The following GFPT1 variants were observed in gnomAD, a reference collection of about 807,000 sequenced individuals.
The protein encoded by GFPT1 is glutamine--fructose-6-phosphate transaminase 1.
In GFPT1, 40 loss-of-function variants were observed where a neutral mutation model predicts 92.0. The ratio of observed to expected loss-of-function variants is 0.43; its 90% CI spans 0.34 to 0.57. The LOEUF (loss-of-function observed/expected upper bound fraction) is 0.57, where lower values mean the gene tolerates loss of function less well. GFPT1 is among the 20% of genes least tolerant of loss of function. The pLI is 0.02. For missense variants in GFPT1, 448 were observed against 869.1 expected (o/e 0.52, Z 6.09); for synonymous variants, 269 against 280.6 (o/e 0.96, Z 0.41).
At chr2:69,353,336 A>C (rs1355379207) in intron 9 of GFPT1, among the ~76,000 whole-genome samples, 1 of 152,204 alleles carries the variant, frequency 6.6e-6, no homozygotes, top group Non-Finnish European at 1.5e-5. Flanking sequence ...CAAGAGTTTG[A>C]GACCAGCCTG....
At chr2:69,376,456 T>C (rs922539921) in intron 1 of GFPT1, among the ~76,000 whole-genome samples, 3 of 151,748 alleles carry the variant, frequency 2.0e-5, no homozygotes, top group Non-Finnish European at 2.9e-5. Flanking sequence ...GAGGCGGAGG[T>C]TGCAGTGAGC....
At chr2:69,354,119 A>T in intron 9 of GFPT1, 140 bp downstream of exon 9, 1 of 527,540 alleles carries the variant, frequency 1.9e-6, no homozygotes, top group Non-Finnish European at 3.2e-6. Context: ...AATTAGAAAA[A>T]TGTCAAAATA....
rs1670600408 is a variant in GFPT1 at position 69,329,153 on chromosome 2, T to G, written c.1725+144A>C. On this transcript the variant is annotated intron_variant, in intron 17 of 19. Transcript: ENST00000357308. ...CTGAACAGAGTTCTCTGTTGCACTTTCTCAAAGTAAACAAACCACAATGCA... is the reference window on the plus strand; with the variant it reads ...CTGAACAGAGTTCTCTGTTGCACTTGCTCAAAGTAAACAAACCACAATGCA... 10 of 797,608 alleles carry G rather than the reference T, an allele frequency of 1.3e-5. No individual in the cohort carries two copies. The East Asian group carries it at 2.5e-4, about 20-fold the overall frequency. The allele number at this position is 797,608 out of a possible 1,614,324, so 49.4% of individuals were successfully genotyped here.
intron 1 of GFPT1, among the ~76,000 whole-genome samples, chr2:69,384,693 C>CAAAAAAAAAAAAAAAAA (rs71964630): frequency 1.2e-4 from 13 of 106,596 alleles, no homozygotes; most frequent in South Asian, 3.0e-4. Flanking sequence ...GGCCCCGTCA[C>CAAAAAAAAAAAAAAAAA]AAAAAAAAAA....
intron 15 of GFPT1, among the ~76,000 whole-genome samples, chr2:69,332,695 T>C (rs998713948): frequency 1.3e-5 from 2 of 152,138 alleles, no homozygotes; most frequent in African/African-American, 4.8e-5. Flanking sequence ...ATTTGAGGCT[T>C]TTATTTACAT....
intron 3 of GFPT1, among the ~76,000 whole-genome samples, chr2:69,367,383 C>T (rs1293335499): frequency 1.3e-5 from 2 of 150,058 alleles, no homozygotes; most frequent in African/African-American, 5.0e-5. Flanking sequence ...TTTGTGGAGA[C>T]GGAGTCTCAC....
intron 13 of GFPT1, among the ~76,000 whole-genome samples, chr2:69,340,140 C>T (rs72826573): frequency 1.2e-4 from 12 of 99,118 alleles, no homozygotes; most frequent in East Asian, 2.9e-4. Flanking sequence ...GTTGGGGCAA[C>T]TTTTTTTTTT....
At position 69,359,315 on chromosome 2, in the gene GFPT1, T is replaced by A; in HGVS notation, c.361A>T (p.Ile121Phe). Residue 121 changes from isoleucine (I) to phenylalanine (F), a missense_variant, in exon 5 of 20, where the codon ATT (isoleucine) becomes TTT (phenylalanine). Around this residue, in one of 7 missense-constraint regions of GFPT1, gnomAD observed 118 missense variants for 192.9 expected, o/e 0.61. Transcript: ENST00000357308. ...RSDKNNEFIVIHNGIITNYKD... is the reference protein window; with the variant it reads ...RSDKNNEFIVFHNGIITNYKD... Reference sequence around the variant, plus strand: ...TAGTTGGTGATGATTCCATTGTGAATAACGATAAATTCTAAAAGAGGTAAA... The same window carrying A: ...TAGTTGGTGATGATTCCATTGTGAAAAACGATAAATTCTAAAAGAGGTAAA... 1 of 1,570,766 alleles carries A rather than the reference T, an allele frequency of 6.4e-7. No homozygotes were observed. Among genetic ancestry groups the A allele is most frequent in the Non-Finnish European group, 8.8e-7 (1 of 1,141,970 alleles).
rs1304604953 is a variant in GFPT1 at position 69,329,414 on chromosome 2, C to G, written c.1608G>C (p.Lys536Asn). 6.2e-7 allele frequency: 1 copy of G among 1,605,182 alleles called. No homozygotes were observed. The highest frequency in any genetic ancestry group is 1.7e-5 in the Admixed American group (1 of 59,978). ...TTTCGTCATCCATGCTCAGTACTTC[C>G]TTAATCAAATCTAAGAAGTAATATT... ...LGLKRLPDLIKEVLSMDDEIQ... is the reference protein window; with the variant it reads ...LGLKRLPDLINEVLSMDDEIQ... The change falls in exon 17 of 20, where the codon AAG (lysine) becomes AAC (asparagine). Residue 536 changes from lysine to asparagine, a missense_variant. By Grantham distance (94) the Lys-to-Asn change is moderately conservative. Transcript: ENST00000357308.
At chr2:69,345,251 C>T (rs1162321348) in intron 12 of GFPT1, among the ~76,000 whole-genome samples, 1 of 152,044 alleles carries the variant, frequency 6.6e-6, no homozygotes, top group Non-Finnish European at 1.5e-5. Context: ...AGCAAAACTC[C>T]ATCCTAAAAA....
intron 1 of GFPT1, among the ~76,000 whole-genome samples, chr2:69,377,089 T>G (rs1671889143): frequency 6.6e-6 from 1 of 151,028 alleles, no homozygotes; most frequent in East Asian, 2.0e-4. Flanking sequence ...GTGCCTGCAA[T>G]CGCAGCTACT....
chr2:69,380,475 T>C (rs555581193), intron 1 of GFPT1, among the ~76,000 whole-genome samples: 46 of 152,374 alleles, frequency 3.0e-4, no homozygotes, highest in African/African-American at 9.6e-4. Flanking sequence ...ACTGTAACTA[T>C]TGCCACTAGA....
intron 10 of GFPT1, among the ~76,000 whole-genome samples, chr2:69,348,759 C>T (rs940188146): frequency 2.6e-5 from 4 of 152,182 alleles, no homozygotes; most frequent in Admixed American, 1.3e-4. Context: ...GTCCATCCTC[C>T]ATTTCTGCCA....
At position 69,329,787 on chromosome 2, in the gene GFPT1, G is replaced by A. The variant is rs766223183; in HGVS notation, c.1494C>T (p.Ser498=). Residue 498 remains serine (S), a synonymous_variant, in exon 16 of 20, where the codon AGC becomes AGT. Coordinates refer to ENST00000357308, the MANE Select transcript of GFPT1 (RefSeq NM_001244710.2). ...IGVASTKAYT[S]QFVSLVMFAL... ...CAAACATCACAAGGGATACAAACTG[G>A]CTGGTATAAGCCTGAAACATCACAA... 9 of 1,577,230 alleles carry A rather than the reference G, an allele frequency of 5.7e-6. No individual in the cohort carries two copies. In the East Asian group the frequency reaches 2.0e-4, roughly 35 times the overall value.
chr2:69,337,814 T>C, intron 15 of GFPT1, 84 bp downstream of exon 15: 1 of 1,101,878 alleles, frequency 9.1e-7, no homozygotes, highest in East Asian at 2.3e-5. Context: ...CTAACAAAAA[T>C]AAGATACAGA....
At chr2:69,357,980 G>C (rs1671380752) in intron 6 of GFPT1, among the ~76,000 whole-genome samples, 1 of 152,220 alleles carries the variant, frequency 6.6e-6, no homozygotes, top group African/African-American at 2.4e-5. Context: ...ACTCGGATGA[G>C]CAAGAAGCAA....
At chr2:69,347,853 G>C (rs974683436) in intron 11 of GFPT1, among the ~76,000 whole-genome samples, 1 of 152,054 alleles carries the variant, frequency 6.6e-6, no homozygotes, top group Non-Finnish European at 1.5e-5. Context: ...TTATATATAA[G>C]AAAACTAAAG....
intron 12 of GFPT1, among the ~76,000 whole-genome samples, chr2:69,343,200 T>C (rs1339395389): frequency 6.6e-6 from 1 of 152,186 alleles, no homozygotes; most frequent in Admixed American, 6.5e-5. Context: ...CTGTGAGAAA[T>C]TCTCATTCAA....
Position 69,326,127 on chromosome 2 carries a change from A to T in GFPT1, c.*62T>A, listed in dbSNP as rs1670524917. On this transcript the variant is annotated 3_prime_UTR_variant, in exon 20 of 20. Coordinates refer to ENST00000357308, the MANE Select transcript of GFPT1 (RefSeq NM_001244710.2). The stretch of plus-strand genomic sequence containing the variant: ...GGTGATATTTTAAATCAAGGTTTTA[A>T]ATACAAAAGGTGTCTTGTGTTGCTT... 3.7e-6 allele frequency: 4 copies of T among 1,086,978 alleles called. No individual in the cohort carries two copies. The highest frequency in any genetic ancestry group is 1.3e-5 in the South Asian group (1 of 74,430). The allele number at this position is 1,086,978 out of a possible 1,614,324, so 67.3% of individuals were successfully genotyped here.
Sources: gnomAD v4.1 joint callset for allele counts (sites outside exome capture counted in the v4.1 genomes callset) on GRCh38, gnomAD v4.1.1 for gene constraint, gnomAD v4.1.1 regional missense constraint, MANE v1.5 for transcripts, NCBI Gene and HGNC (gene_info 2026-07-23, HGNC 2026-07-21) for gene names.